ANKLE2: variants seen among roughly 807,000 people sequenced by gnomAD.
ANKLE2 encodes ankyrin repeat and LEM domain-containing protein 2.
In ANKLE2, 55 loss-of-function variants were observed where a neutral mutation model predicts 84.2. That is an observed-to-expected ratio of 0.65 (90% confidence interval 0.53 to 0.82). The LOEUF (loss-of-function observed/expected upper bound fraction) is 0.82, where lower values mean the gene tolerates loss of function less well. Among genes scored for constraint, ANKLE2 ranks in the 40% least tolerant of loss-of-function variants. The pLI, the probability that ANKLE2 is intolerant of heterozygous loss-of-function variation, is 0.00. For synonymous variants in ANKLE2, 551 were observed against 486.1 expected (o/e 1.13, Z -1.76); for missense variants, 1,238 against 1,201.9 (o/e 1.03, Z -0.44).
At position 132,729,971 on chromosome 12, in the gene ANKLE2, C is replaced by A. The variant is rs1306555823; in HGVS notation, c.2191G>T (p.Asp731Tyr). 6.2e-7 allele frequency: 1 copy of A among 1,613,350 alleles called. No individual in the cohort carries two copies. The highest frequency in any genetic ancestry group is 8.5e-7 in the Non-Finnish European group (1 of 1,179,938). Residue 731 changes from aspartate (D) to tyrosine (Y), a missense_variant, in exon 11 of 13, where the codon GAT becomes TAT. Coordinates refer to ENST00000357997, the MANE Select transcript of ANKLE2 (RefSeq NM_015114.3). ...GEEAHLPPVSDLTVEFDKLNL... is the reference protein window; with the variant it reads ...GEEAHLPPVSYLTVEFDKLNL... ...AGTTTATCAAACTCAACAGTCAAAT[C>A]CGAGACAGGTGGCAGATGGGCTTCC...
At chr12:132,759,628 T>TGTATACTATATGTGCTATATGA (rs1566042726) in intron 1 of ANKLE2, 1 of 146,074 alleles carries the variant, frequency 6.8e-6, no homozygotes, top group African/African-American at 2.8e-5. Flanking sequence ...CAGTATTTTT[T>TGTATACTATATGTGCTATATGA]TATTTCAGCC....
At position 132,727,046 on chromosome 12, in the gene ANKLE2, A is replaced by G. The variant is rs2043713199; in HGVS notation, c.*196T>C. The G allele has an allele frequency of 1.5e-6, 1 of 654,804 alleles. No individual in the cohort carries two copies. The highest frequency in any genetic ancestry group is 2.9e-5 in the East Asian group (1 of 34,122). The allele number at this position is 654,804 out of a possible 1,614,324, so 40.6% of individuals were successfully genotyped here. On this transcript the variant is annotated 3_prime_UTR_variant, in exon 13 of 13. Coordinates refer to ENST00000357997, the MANE Select transcript of ANKLE2 (RefSeq NM_015114.3). ...AAAATTGGTAACTGAGTTTGCTTTC[A>G]TTAACTTCTAACTTCTTCCAAAATA... is the stretch of plus-strand genomic sequence containing the variant.
intron 5 of ANKLE2, 38 bp downstream of exon 5, chr12:132,747,794 T>C (rs2044269589): frequency 6.4e-7 from 1 of 1,568,682 alleles, no homozygotes; most frequent in Admixed American, 2.2e-5. Flanking sequence ...TTTTAACCAA[T>C]TAAATAAAGA....
intron 2 of ANKLE2, among the ~76,000 whole-genome samples, chr12:132,754,384 A>T (rs1023591805): frequency 7.2e-5 from 11 of 152,364 alleles, no homozygotes; most frequent in African/African-American, 2.4e-4. Context: ...GGAGATGACT[A>T]ATCAACAAAG....
At chr12:132,755,438 G>GTATTTTTA in intron 1 of ANKLE2, 1 of 226,808 alleles carries the variant, frequency 4.4e-6, no homozygotes, top group Non-Finnish European at 8.6e-6. Context: ...CCAGCTACTT[G>GTATTTTTA]GGAGGCTGAG....
At chr12:132,752,024 T>C (rs2044368285) in intron 2 of ANKLE2, among the ~76,000 whole-genome samples, 1 of 152,140 alleles carries the variant, frequency 6.6e-6, no homozygotes, top group Non-Finnish European at 1.5e-5. Flanking sequence ...AACAGACGAA[T>C]GGTTACTGTC....
chr12:132,730,431 A>G, intron 10 of ANKLE2, 161 bp from the exon 11 acceptor site: 1 of 483,102 alleles, frequency 2.1e-6, no homozygotes, highest in Non-Finnish European at 3.3e-6. Flanking sequence ...CCCCAGCAAC[A>G]GCAACTCTTG....
intron 5 of ANKLE2, among the ~76,000 whole-genome samples, chr12:132,744,271 A>G (rs1392996087): frequency 1.3e-5 from 2 of 152,220 alleles, no homozygotes; most frequent in Non-Finnish European, 2.9e-5. Flanking sequence ...GACATCCCAC[A>G]GGCAGCTCCA....
rs578114488 is a variant in ANKLE2 at position 132,736,479 on chromosome 12, G to A, written c.1593+414C>T. Among the ~76,000 whole-genome samples the A allele has an allele frequency of 2.0e-4, 30 of 152,342 alleles. No individual in the cohort carries two copies. The South Asian group carries it at 3.5e-3, about 18-fold the overall frequency. ...GGGACTTGTCTGAGAGGAAGCCAGC[G>A]GGGGCTGCAGCCACAGGGAAACGTG... On this transcript the variant is annotated intron_variant, in intron 8 of 12. Coordinates refer to ENST00000357997, the MANE Select transcript of ANKLE2 (RefSeq NM_015114.3).
At chr12:132,748,048 T>C in intron 4 of ANKLE2, 28 bp from the exon 5 acceptor site, 1 of 1,597,610 alleles carries the variant, frequency 6.3e-7, no homozygotes, top group Non-Finnish European at 8.5e-7. Context: ...GCTCTGAGCT[T>C]CCTATCTGAT....
At chr12:132,734,860 C>T in intron 9 of ANKLE2, 1 of 423,640 alleles carries the variant, frequency 2.4e-6, no homozygotes, top group African/African-American at 2.1e-5. Flanking sequence ...CAACCCAGGT[C>T]ACACAGTTCA....
intron 6 of ANKLE2, chr12:132,742,580 G>A (rs951987540): frequency 3.3e-5 from 5 of 152,422 alleles, no homozygotes; most frequent in Admixed American, 2.0e-4. Context: ...GGATCATGAC[G>A]AGGCCTGACT....
intron 2 of ANKLE2, among the ~76,000 whole-genome samples, chr12:132,752,420 G>C (rs923741585): frequency 2.0e-4 from 31 of 151,700 alleles, no homozygotes; most frequent in African/African-American, 7.5e-4. Flanking sequence ...TCTTTTTTTT[G>C]AGATGGAATC....
chr12:132,754,615 A>G (rs1311874003), intron 2 of ANKLE2, 60 bp downstream of exon 2: 3 of 1,487,186 alleles, frequency 2.0e-6, no homozygotes, highest in Non-Finnish European at 2.7e-6. Flanking sequence ...TTCAGACGTC[A>G]TCCCGCCCCT....
chr12:132,751,231 C>A (rs1283661272), intron 2 of ANKLE2: 9 of 159,464 alleles, frequency 5.6e-5, no homozygotes, highest in Non-Finnish European at 1.1e-4. Flanking sequence ...ACAGGGAACG[C>A]CTTTTTATTT....
chr12:132,751,917 C>G (rs564941992), intron 2 of ANKLE2, among the ~76,000 whole-genome samples: 2 of 152,302 alleles, frequency 1.3e-5, no homozygotes, highest in South Asian at 4.2e-4. Context: ...TATTAAAGCT[C>G]TGTAGTGGAA....
Position 132,761,625 on chromosome 12 carries a change from G to C in ANKLE2, c.174C>G (p.Pro58=), listed in dbSNP as rs1264048500. 8.0e-7 allele frequency: 1 copy of C among 1,256,284 alleles called. No individual in the cohort carries two copies. The allele number at this position is 1,256,284 out of a possible 1,614,324, so 77.8% of individuals were successfully genotyped here. The part of the protein sequence containing the change: ...PVPPPSAAAA[P]ASGEMTMDAL... Reference sequence around the variant, plus strand: ...CGACCGCCTGGGCCTTACCTGAGGCGGGGGCGGCGGCCGCGCTTGGCGGAG... The same window carrying C: ...CGACCGCCTGGGCCTTACCTGAGGCCGGGGCGGCGGCCGCGCTTGGCGGAG... Residue 58 remains proline, a synonymous_variant, in exon 1 of 13, where the codon CCC becomes CCG. Coordinates refer to ENST00000357997, the MANE Select transcript of ANKLE2 (RefSeq NM_015114.3).
chr12:132,728,634 A>G (rs1188602419), intron 11 of ANKLE2, among the ~76,000 whole-genome samples: 7 of 152,218 alleles, frequency 4.6e-5, no homozygotes, highest in African/African-American at 1.7e-4. Context: ...GCAGCATGTC[A>G]GGGCATTAGC....
At chr12:132,744,462 T>C (rs2044192813) in intron 5 of ANKLE2, among the ~76,000 whole-genome samples, 1 of 152,098 alleles carries the variant, frequency 6.6e-6, no homozygotes, top group African/African-American at 2.4e-5. Context: ...CGGCCTGCAC[T>C]GACACCCCCG....
Sources: allele counts gnomAD v4.1 joint callset (sites outside exome capture counted in the v4.1 genomes callset), GRCh38; gene constraint gnomAD v4.1.1; transcripts MANE v1.5; gene names NCBI Gene and HGNC (gene_info 2026-07-23, HGNC 2026-07-21).